Variants in BRCA1 observed in about 807,000 individuals in gnomAD.
BRCA1 encodes BRCA1 DNA repair associated.
BRCA1 carries 140 observed loss-of-function variants against 173.7 expected under a neutral mutation model. The ratio of observed to expected loss-of-function variants is 0.81; its 90% CI spans 0.70 to 0.93. The LOEUF (loss-of-function observed/expected upper bound fraction) is 0.93, where lower values mean the gene tolerates loss of function less well. Ranked by LOEUF, BRCA1 falls within the 40% of genes least tolerant of loss-of-function variation. BRCA1 has a pLI of 0.00. For synonymous variants in BRCA1, 662 were observed against 756.0 expected (o/e 0.88, Z 2.04); for missense variants, 1,983 against 2,172.5 (o/e 0.91, Z 1.73).
intron 6 of BRCA1, among the ~76,000 whole-genome samples, chr17:43,100,710 C>T (rs1246589617): frequency 9.6e-4 from 37 of 38,422 alleles, no homozygotes; most frequent in African/African-American, 2.2e-3. Context: ...TATGTAATCC[C>T]AGCACTTTGG....
chr17:43,112,889 C>T (rs554065020), intron 3 of BRCA1, among the ~76,000 whole-genome samples: 27 of 151,962 alleles, frequency 1.8e-4, no homozygotes, highest in Admixed American at 4.6e-4. Flanking sequence ...CTGCAACCTC[C>T]GCCTCCCAGG....
At position 43,107,062 on chromosome 17, in the gene BRCA1, AT is replaced by A. The variant is rs35202419; in HGVS notation, c.135-530del. ...TTCAACAATAATAAATACCAAGACA[AT>A]TTTTTTTTTTTTTTTTTTTGAGACG... is the stretch of plus-strand genomic sequence containing the variant. On this transcript the variant is annotated intron_variant, in intron 3 of 22. Transcript: ENST00000357654. 3.3e-3 allele frequency among the ~76,000 whole-genome samples: 423 copies of A among 126,810 alleles called. 1 individual carries two copies. The highest frequency in any genetic ancestry group is 4.7e-3 in the Non-Finnish European group (290 of 62,354). The allele number at this position is 126,810 out of a possible 152,430, so 83.2% of individuals were successfully genotyped here. A position where few individuals can be genotyped will look rare whatever the true frequency, so the allele number is the denominator to read the frequency against.
Position 43,082,536 on chromosome 17 carries a change from G to C in BRCA1, c.4225C>G (p.Gln1409Glu), listed in dbSNP as rs886040218. The part of the protein sequence containing the change: ...TMQHNLIKLQ[Q>E]EMAELEAVLE... ...ACAGCTTCTAGTTCAGCCATTTCCT[G>C]CTGGAGCTTTATCAGGTTATGTTGC... The change falls in exon 12 of 23, where the codon CAG (glutamine) becomes GAG (glutamate). Residue 1409 changes from glutamine (Q) to glutamate (E), a missense_variant. Gln to Glu is a conservative substitution (Grantham distance 29). Transcript: ENST00000357654. The C allele has an allele frequency of 1.2e-6, 2 of 1,614,186 alleles. No individual in the cohort carries two copies. Among genetic ancestry groups the C allele is most frequent in the Non-Finnish European group, 1.7e-6 (2 of 1,180,042 alleles).
chr17:43,150,977 A>G (rs2056157323), intron 1 of BRCA1, among the ~76,000 whole-genome samples: 1 of 152,098 alleles, frequency 6.6e-6, no homozygotes, highest in Admixed American at 6.6e-5. Flanking sequence ...AGGCTTGGCA[A>G]AGGGTGGCTG....
intron 1 of BRCA1, chr17:43,167,049 TG>T (rs368420540): frequency 4.6e-5 from 7 of 152,408 alleles, no homozygotes; most frequent in African/African-American, 1.7e-4. Flanking sequence ...TGATCCTCCA[TG>T]GGGGCCTGCC....
chr17:43,108,706 CAAAAAAA>C (rs35561635), intron 3 of BRCA1, among the ~76,000 whole-genome samples: 23 of 16,082 alleles, frequency 1.4e-3, no homozygotes, highest in African/African-American at 5.2e-3. Flanking sequence ...GACTCTGTCT[CAAAAAAA>C]AAAAAAAAAA....
At chr17:43,152,683 T>A (rs554908572) in intron 1 of BRCA1, among the ~76,000 whole-genome samples, 1 of 151,868 alleles carries the variant, frequency 6.6e-6, no homozygotes, top group African/African-American at 2.4e-5. Flanking sequence ...TGAAACCCCA[T>A]CTCTACTAAA....
intron 7 of BRCA1, among the ~76,000 whole-genome samples, chr17:43,097,901 CAGTA>C (rs1404593424): frequency 2.0e-5 from 3 of 152,062 alleles, no homozygotes; most frequent in Non-Finnish European, 2.9e-5. Flanking sequence ...GGGGGGAAAA[CAGTA>C]AGTGTTATGA....
intron 11 of BRCA1, among the ~76,000 whole-genome samples, chr17:43,088,326 T>A (rs1424784692): frequency 2.0e-5 from 3 of 151,790 alleles, no homozygotes; most frequent in Non-Finnish European, 4.4e-5. Context: ...CCTCCCCAAG[T>A]CCCTAGTAAC....
intron 2 of BRCA1, among the ~76,000 whole-genome samples, chr17:43,120,531 C>G (rs1022969029): frequency 3.0e-4 from 45 of 151,248 alleles, no homozygotes; most frequent in African/African-American, 9.7e-4. Context: ...TTTGGGAGGC[C>G]GAGGTGGGCG....
chr17:43,136,573 TAAAC>T (rs1350104812), intron 1 of BRCA1, among the ~76,000 whole-genome samples: 7 of 152,120 alleles, frequency 4.6e-5, no homozygotes, highest in Non-Finnish European at 8.8e-5. Flanking sequence ...ACAAAGAACT[TAAAC>T]AAATTTACAA....
chr17:43,061,815 C>G (rs539429322), intron 18 of BRCA1, among the ~76,000 whole-genome samples: 22 of 152,204 alleles, frequency 1.4e-4, no homozygotes, highest in Admixed American at 1.3e-3. Flanking sequence ...GAACTCCTGA[C>G]CTCAAGTGAT....
At chr17:43,157,923 G>C (rs1052297899) in intron 1 of BRCA1, among the ~76,000 whole-genome samples, 1 of 150,370 alleles carries the variant, frequency 6.7e-6, no homozygotes, top group Admixed American at 6.6e-5. Flanking sequence ...TTGAACCCAA[G>C]AGGTGGAGGT....
intron 1 of BRCA1, chr17:43,131,211 A>G (rs2055962046): frequency 3.6e-6 from 1 of 281,258 alleles, no homozygotes; most frequent in Non-Finnish European, 8.2e-6. Flanking sequence ...TTTGTAGGTA[A>G]AAGTTTCATT....
At chr17:43,050,634 T>G (rs1436430294) in intron 20 of BRCA1, among the ~76,000 whole-genome samples, 1 of 148,988 alleles carries the variant, frequency 6.7e-6, no homozygotes, top group South Asian at 2.2e-4. Flanking sequence ...AAAAAAGAAA[T>G]GTTCACCGAG....
At chr17:43,099,197 GT>G (rs2054264036) in intron 7 of BRCA1, among the ~76,000 whole-genome samples, 1 of 151,266 alleles carries the variant, frequency 6.6e-6, no homozygotes, top group South Asian at 2.1e-4. Flanking sequence ...AATCCATCAT[GT>G]TTTTTCTTAT....
At chr17:43,086,184 C>T (rs1438863701) in intron 11 of BRCA1, among the ~76,000 whole-genome samples, 3 of 151,430 alleles carry the variant, frequency 2.0e-5, no homozygotes, top group Non-Finnish European at 4.4e-5. Flanking sequence ...CTATCGGGAA[C>T]AGATGATCTC....
intron 1 of BRCA1, among the ~76,000 whole-genome samples, chr17:43,136,991 T>C (rs1336084389): frequency 6.6e-6 from 1 of 152,124 alleles, no homozygotes; most frequent in Non-Finnish European, 1.5e-5. Context: ...CGTATGTTCA[T>C]TGCGGCACTA....
chr17:43,098,347 T>A (rs1241342274), intron 7 of BRCA1, among the ~76,000 whole-genome samples: 2 of 151,794 alleles, frequency 1.3e-5, no homozygotes, highest in Non-Finnish European at 2.9e-5. Context: ...CTTAAAAAAA[T>A]TTATTATTTT....
Sources: allele counts gnomAD v4.1 joint callset (sites outside exome capture counted in the v4.1 genomes callset), GRCh38; gene constraint gnomAD v4.1.1; transcripts MANE v1.5; gene names NCBI Gene and HGNC (gene_info 2026-07-23, HGNC 2026-07-21).